The following RAPGEF4 variants were observed in gnomAD, a reference collection of about 807,000 sequenced individuals.
The protein encoded by RAPGEF4 is RAP guanine-nucleotide-exchange factor (GEF) 4.
RAPGEF4 carries 66 observed loss-of-function variants against 147.9 expected under a neutral mutation model. The observed-to-expected ratio is 0.45, with a 90% CI of 0.37 to 0.55. RAPGEF4 has a LOEUF of 0.55. Among genes scored for constraint, RAPGEF4 ranks in the 20% least tolerant of loss-of-function variants. The pLI is 0.00. For synonymous variants in RAPGEF4, 419 were observed against 442.7 expected, an observed-to-expected ratio of 0.95 and a Z score of 0.67; for missense variants, 1,071 against 1,257.3, an observed-to-expected ratio of 0.85 and a Z score of 2.24.
chr2:172,853,315 A>G (rs933837784), intron 4 of RAPGEF4, among the ~76,000 whole-genome samples: 3 of 152,020 alleles, frequency 2.0e-5, no homozygotes, highest in African/African-American at 4.8e-5. Flanking sequence ...TTTAATAGAT[A>G]TGGCACTATT....
intron 4 of RAPGEF4, among the ~76,000 whole-genome samples, chr2:172,826,235 G>A (rs1333151517): frequency 3.3e-5 from 5 of 152,188 alleles, no homozygotes; most frequent in African/African-American, 1.2e-4. Context: ...GATCTTTTCT[G>A]AGGTTAGAGA....
At chr2:173,034,460 G>T (rs1366777651) in intron 27 of RAPGEF4, among the ~76,000 whole-genome samples, 1 of 152,100 alleles carries the variant, frequency 6.6e-6, no homozygotes, top group Non-Finnish European at 1.5e-5. Context: ...TGCAGTAGAG[G>T]TTTCATTTTT....
chr2:172,822,070 A>G (rs2258175), intron 4 of RAPGEF4: 707,669 of 1,446,002 alleles, frequency 0.49, 176,007 homozygotes, highest in East Asian at 0.55. Context: ...GCTCAAAAAC[A>G]TCTCTGGCTT....
At chr2:172,873,158 T>C (rs1695448280) in intron 4 of RAPGEF4, among the ~76,000 whole-genome samples, 1 of 152,186 alleles carries the variant, frequency 6.6e-6, no homozygotes, top group Non-Finnish European at 1.5e-5. Flanking sequence ...TATAATTGCA[T>C]TCTCAATACA....
intron 4 of RAPGEF4, among the ~76,000 whole-genome samples, chr2:172,909,552 T>C (rs1575204431): frequency 6.6e-6 from 1 of 152,000 alleles, no homozygotes; most frequent in East Asian, 1.9e-4. Context: ...AGAGAGGACA[T>C]TGTCCAAGAG....
intron 15 of RAPGEF4, among the ~76,000 whole-genome samples, chr2:172,994,345 T>C (rs548621879): frequency 6.6e-6 from 1 of 152,322 alleles, no homozygotes; most frequent in South Asian, 2.1e-4. Context: ...CTGGTCTCCA[T>C]GTGGAGCGTC....
chr2:172,768,954 G>A (rs1697102902), intron 1 of RAPGEF4, among the ~76,000 whole-genome samples: 1 of 152,190 alleles, frequency 6.6e-6, no homozygotes. Context: ...ACCATCATGA[G>A]ACGACGAGCA....
chr2:173,006,865 A>T (rs1375728158), intron 17 of RAPGEF4, among the ~76,000 whole-genome samples: 2 of 152,216 alleles, frequency 1.3e-5, no homozygotes, highest in Non-Finnish European at 2.9e-5. Flanking sequence ...CATAGTCCCC[A>T]TCTGATTCTG....
intron 1 of RAPGEF4, among the ~76,000 whole-genome samples, chr2:172,788,823 G>A (rs1028344780): frequency 6.6e-6 from 1 of 152,064 alleles, no homozygotes; most frequent in Admixed American, 6.6e-5. Flanking sequence ...GAACCCAGGG[G>A]GTCGAGGCTT....
In RAPGEF4 at chr2:172,774,870, T is replaced by G. The variant is rs193206806; in HGVS notation, c.66-20155T>G. ...ACATGCTAGACATGTACCAGTATTGTTGAATGAAAGAAATTAGAGACTGCA... is the reference window on the plus strand; with the variant it reads ...ACATGCTAGACATGTACCAGTATTGGTGAATGAAAGAAATTAGAGACTGCA... On this transcript the variant is annotated intron_variant, in intron 1 of 30. Transcript: ENST00000397081. 5.1e-3 allele frequency among the ~76,000 whole-genome samples: 771 copies of G among 152,332 alleles called. 6 individuals carry two copies. Among genetic ancestry groups the G allele is most frequent in the Non-Finnish European group, 7.7e-3 (526 of 68,020 alleles).
Position 172,917,828 on chromosome 2 carries a change from T to G in RAPGEF4, c.471T>G (p.Leu157=), listed in dbSNP as rs1448764625. 3.1e-6 allele frequency: 5 copies of G among 1,613,912 alleles called. No homozygotes were observed. The highest frequency in any genetic ancestry group is 4.2e-6 in the Non-Finnish European group (5 of 1,179,778). Residue 157 remains leucine (L), a synonymous_variant, in exon 5 of 31, where the codon CTT becomes CTG. Transcript: ENST00000397081. ...WEKYRQYMAG[L]LAPPYGVMET... Reference sequence around the variant, plus strand: ...AATATCGACAGTATATGGCAGGACTTCTGGCTCCTCCTTATGGTGTTATGG... The same window carrying G: ...AATATCGACAGTATATGGCAGGACTGCTGGCTCCTCCTTATGGTGTTATGG...
chr2:172,856,621 C>T (rs1038721178), intron 4 of RAPGEF4, among the ~76,000 whole-genome samples: 1 of 152,098 alleles, frequency 6.6e-6, no homozygotes, highest in African/African-American at 2.4e-5. Context: ...TTTCATCTTC[C>T]CTGAGACAGC....
intron 4 of RAPGEF4, among the ~76,000 whole-genome samples, chr2:172,817,656 C>T (rs1688636566): frequency 1.3e-5 from 2 of 152,196 alleles, no homozygotes; most frequent in South Asian, 4.2e-4. Context: ...TAAACTAGTG[C>T]AACCACTATG....
intron 4 of RAPGEF4, among the ~76,000 whole-genome samples, chr2:172,832,095 G>C (rs1690414692): frequency 1.3e-5 from 2 of 152,196 alleles, no homozygotes; most frequent in African/African-American, 4.8e-5. Flanking sequence ...GGAAAGGAGA[G>C]CAGGAATAAT....
intron 6 of RAPGEF4, among the ~76,000 whole-genome samples, chr2:172,950,875 CAT>C (rs1483980601): frequency 3.3e-5 from 5 of 152,224 alleles, no homozygotes; most frequent in Admixed American, 3.3e-4. Flanking sequence ...GAAATGCTCA[CAT>C]GTTAGTAAGG....
At chr2:172,745,397 C>A (rs1296327081) in intron 1 of RAPGEF4, among the ~76,000 whole-genome samples, 1 of 151,570 alleles carries the variant, frequency 6.6e-6, no homozygotes, top group Non-Finnish European at 1.5e-5. Context: ...CTTTTAATGC[C>A]ATTAGGATAT....
chr2:172,996,801 C>T (rs1381905570), intron 16 of RAPGEF4, among the ~76,000 whole-genome samples: 1 of 152,148 alleles, frequency 6.6e-6, no homozygotes, highest in Non-Finnish European at 1.5e-5. Context: ...CCTCATCTTC[C>T]CTAGGCATCT....
intron 1 of RAPGEF4, among the ~76,000 whole-genome samples, chr2:172,766,642 C>T (rs1013430243): frequency 6.6e-6 from 1 of 152,168 alleles, no homozygotes; most frequent in Non-Finnish European, 1.5e-5. Context: ...CCCCTAAGTC[C>T]CCTGGGGCCT....
chr2:172,829,886 T>C (rs922198358), intron 4 of RAPGEF4, among the ~76,000 whole-genome samples: 2 of 151,160 alleles, frequency 1.3e-5, no homozygotes, highest in Non-Finnish European at 2.9e-5. Flanking sequence ...ACAGGTGCTT[T>C]TTACCTGGGA....
Sources: gnomAD v4.1 joint callset for allele counts (sites outside exome capture counted in the v4.1 genomes callset) on GRCh38, gnomAD v4.1.1 for gene constraint, MANE v1.5 for transcripts, NCBI Gene and HGNC (gene_info 2026-07-23, HGNC 2026-07-21) for gene names.